UXS1: variants seen among roughly 807,000 people sequenced by gnomAD.
UXS1 encodes the protein UDP-glucuronate decarboxylase 1.
Under a neutral mutation model 62.6 loss-of-function variants are expected in UXS1, and 33 were observed. That is an observed-to-expected ratio of 0.53 (90% CI 0.40 to 0.70). The LOEUF (loss-of-function observed/expected upper bound fraction) is 0.70. Ranked by LOEUF, UXS1 falls within the 30% of genes least tolerant of loss-of-function variation. The pLI is 0.00. For missense variants in UXS1, 434 were observed against 556.3 expected, an observed-to-expected ratio of 0.78 and a Z score of 2.21; for synonymous variants, 213 against 206.8, an observed-to-expected ratio of 1.03 and a Z score of -0.26.
At chr2:106,161,046 C>A (rs1419443386) in intron 4 of UXS1, among the ~76,000 whole-genome samples, 1 of 152,174 alleles carries the variant, frequency 6.6e-6, no homozygotes, top group Non-Finnish European at 1.5e-5. Context: ...TTCCTCCTTG[C>A]AGTAATGGGT....
chr2:106,130,969 G>C (rs926117442), intron 6 of UXS1, among the ~76,000 whole-genome samples: 6 of 152,082 alleles, frequency 3.9e-5, no homozygotes, highest in Non-Finnish European at 8.8e-5. Context: ...GAAGACGGGT[G>C]ATTTCTGCAT....
At chr2:106,159,645 T>C (rs1682733292) in intron 4 of UXS1, among the ~76,000 whole-genome samples, 1 of 152,240 alleles carries the variant, frequency 6.6e-6, no homozygotes, top group African/African-American at 2.4e-5. Flanking sequence ...ATCAGCTTTA[T>C]GGTCATTATA....
chr2:106,148,612 T>A (rs79318208), intron 5 of UXS1, among the ~76,000 whole-genome samples: 1 of 151,904 alleles, frequency 6.6e-6, no homozygotes, highest in Non-Finnish European at 1.5e-5. Flanking sequence ...TGCACTGGAA[T>A]TTTTTTTTCT....
In UXS1 at chr2:106,108,667, C is replaced by T. The variant is rs533312795; in HGVS notation, c.880-3830G>A. On this transcript the variant is annotated intron_variant, in intron 10 of 14. Coordinates refer to ENST00000283148, the MANE Select transcript of UXS1 (RefSeq NM_001253875.2). ...AAGGCTGCTACTGGGGGCCGGGGAA[C>T]GAAGGGCTGTGTGCAGGTCAAAGCA... Among the ~76,000 whole-genome samples, 10 of 152,154 alleles carry T rather than the reference C, an allele frequency of 6.6e-5. No homozygotes were observed. In the South Asian group the frequency reaches 1.0e-3, roughly 16 times the overall value.
chr2:106,097,021 T>C, intron 13 of UXS1, 200 bp from the exon 14 acceptor site: 1 of 689,680 alleles, frequency 1.4e-6, no homozygotes, highest in Admixed American at 2.0e-5. Context: ...GCAACTGCTG[T>C]GGCCAAGCTG....
chr2:106,103,387 G>A (rs902224936), intron 11 of UXS1, among the ~76,000 whole-genome samples: 33 of 152,334 alleles, frequency 2.2e-4, no homozygotes, highest in African/African-American at 7.5e-4. Flanking sequence ...GCAGCCCGAG[G>A]CAGGCACACA....
intron 7 of UXS1, among the ~76,000 whole-genome samples, chr2:106,128,151 G>A (rs2104942111): frequency 6.6e-6 from 1 of 152,278 alleles, no homozygotes; most frequent in African/African-American, 2.4e-5. Context: ...CTGGTATGAT[G>A]GAGGGGGGCG....
At chr2:106,169,660 C>T (rs1683419721) in intron 1 of UXS1, among the ~76,000 whole-genome samples, 2 of 152,122 alleles carry the variant, frequency 1.3e-5, no homozygotes, top group South Asian at 4.2e-4. Flanking sequence ...CTACTCCAGC[C>T]TGGGTGACAA....
chr2:106,155,075 G>A (rs879793771), intron 5 of UXS1, among the ~76,000 whole-genome samples: 6 of 152,112 alleles, frequency 3.9e-5, no homozygotes, highest in Non-Finnish European at 8.8e-5. Flanking sequence ...GGTCTTGTGT[G>A]AACTCATTAC....
chr2:106,177,807 T>C (rs1038144712), intron 1 of UXS1, among the ~76,000 whole-genome samples: 1 of 152,158 alleles, frequency 6.6e-6, no homozygotes, highest in African/African-American at 2.4e-5. Flanking sequence ...CTGTCTGTGG[T>C]ATTTTGTTAC....
Position 106,163,726 on chromosome 2 carries a change from C to G in UXS1, c.187-16G>C. ...GTTCAACCATCTAGAACAATAATAA[C>G]AAAAATCAGTTTTAAAGCAAAAACA... On this transcript the variant is annotated splice_polypyrimidine_tract_variant and intron_variant, in intron 3 of 14. Coordinates refer to ENST00000283148, the MANE Select transcript of UXS1 (RefSeq NM_001253875.2). 7.1e-7 allele frequency: 1 copy of G among 1,415,038 alleles called. No individual in the cohort carries two copies. Among genetic ancestry groups the G allele is most frequent in the Non-Finnish European group, 9.3e-7 (1 of 1,073,046 alleles). The allele number at this position is 1,415,038 out of a possible 1,614,324, so 87.7% of individuals were successfully genotyped here.
chr2:106,186,701 C>T (rs996803735), intron 1 of UXS1, among the ~76,000 whole-genome samples: 11 of 151,958 alleles, frequency 7.2e-5, no homozygotes, highest in Non-Finnish European at 1.5e-4. Flanking sequence ...ACCTGTAGTC[C>T]CAGCTACTCA....
rs750090315 is a variant in UXS1 at position 106,122,979 on chromosome 2, G to A, written c.750C>T (p.Tyr250=). The stretch of plus-strand genomic sequence containing the variant: ...GACCCTGGTGAAATACCTGCTTCAT[G>A]TAGGCATAGCACATGGTCTCTGCAA... ...KRVAETMCYA[Y]MKQEGVEVRV... The change falls in exon 9 of 15, where the codon TAC becomes TAT. Residue 250 remains tyrosine, a synonymous_variant. Transcript: ENST00000283148. The A allele has an allele frequency of 6.2e-7, 1 of 1,613,812 alleles. No homozygotes were observed. Among genetic ancestry groups the A allele is most frequent in the Non-Finnish European group, 8.5e-7 (1 of 1,179,798 alleles).
chr2:106,193,849 G>C (rs1685095495), intron 1 of UXS1, among the ~76,000 whole-genome samples: 1 of 152,098 alleles, frequency 6.6e-6, no homozygotes, highest in South Asian at 2.1e-4. Context: ...CGACAGCGCC[G>C]CCGCCGAGTC....
At chr2:106,188,613 G>A (rs915978184) in intron 1 of UXS1, among the ~76,000 whole-genome samples, 3 of 152,238 alleles carry the variant, frequency 2.0e-5, no homozygotes, top group African/African-American at 7.2e-5. Context: ...GCTCCAGGAT[G>A]CAGGCAGCCA....
intron 1 of UXS1, among the ~76,000 whole-genome samples, chr2:106,167,249 T>C (rs1683268450): frequency 6.6e-6 from 1 of 151,822 alleles, no homozygotes; most frequent in South Asian, 2.1e-4. Context: ...TAATATTTTG[T>C]ACACACTCCT....
At chr2:106,140,564 G>A (rs1681019259) in intron 6 of UXS1, among the ~76,000 whole-genome samples, 1 of 150,670 alleles carries the variant, frequency 6.6e-6, no homozygotes, top group Non-Finnish European at 1.5e-5. Flanking sequence ...TCCCTCTCCT[G>A]GTGCCCCCAC....
rs1007495187 is a variant in UXS1 at position 106,122,983 on chromosome 2, G to C, written c.746C>G (p.Ala249Gly). The C allele has an allele frequency of 4.3e-6, 7 of 1,613,676 alleles. No homozygotes were observed. The Middle Eastern group carries it at 4.9e-4, about 114-fold the overall frequency. Reference sequence around the variant, plus strand: ...CTGGTGAAATACCTGCTTCATGTAGGCATAGCACATGGTCTCTGCAACACG... The same window carrying C: ...CTGGTGAAATACCTGCTTCATGTAGCCATAGCACATGGTCTCTGCAACACG... Reference protein sequence around the residue: ...GKRVAETMCYAYMKQEGVEVR... With the variant: ...GKRVAETMCYGYMKQEGVEVR... Residue 249 changes from alanine (A) to glycine (G), a missense_variant, in exon 9 of 15, where the codon GCC becomes GGC. Ala to Gly is a moderately conservative substitution (Grantham distance 60, BLOSUM62 0). Transcript: ENST00000283148.
At chr2:106,114,385 A>G (rs1332988100) in intron 9 of UXS1, among the ~76,000 whole-genome samples, 1 of 152,316 alleles carries the variant, frequency 6.6e-6, no homozygotes, top group South Asian at 2.1e-4. Context: ...CACCGAACTA[A>G]TGAGTGTATT....
Sources: gnomAD v4.1 joint callset for allele counts (sites outside exome capture counted in the v4.1 genomes callset) on GRCh38, gnomAD v4.1.1 for gene constraint, MANE v1.5 for transcripts, NCBI Gene and HGNC (gene_info 2026-07-23, HGNC 2026-07-21) for gene names.